Variants in NTRK2 observed in about 807,000 individuals in gnomAD.
NTRK2 encodes neurotrophic receptor tyrosine kinase 2, also known as BDNF/NT-3 growth factors receptor.
In NTRK2, 13 loss-of-function variants were observed where a neutral mutation model predicts 94.5. The observed-to-expected ratio is 0.14, with a 90% confidence interval of 0.09 to 0.22. NTRK2 has a LOEUF of 0.22. Ranked by LOEUF, NTRK2 falls within the 10% of genes least tolerant of loss-of-function variation. The pLI is 1.00. For synonymous variants in NTRK2, 372 were observed against 407.4 expected (o/e 0.91, Z 1.05); for missense variants, 639 against 1,071.2 (o/e 0.60, Z 5.63).
chr9:84,771,256 G>T (rs925737763), intron 12 of NTRK2, among the ~76,000 whole-genome samples: 1 of 152,096 alleles, frequency 6.6e-6, no homozygotes, highest in Admixed American at 6.5e-5. Flanking sequence ...TTCTTTCGTG[G>T]CTCTCCCTTT....
intron 15 of NTRK2, 36 bp from the exon 16 acceptor site, chr9:84,948,426 C>G (rs2132879425): frequency 6.2e-7 from 1 of 1,608,516 alleles, no homozygotes; most frequent in Non-Finnish European, 8.5e-7. Context: ...ATAGGGCCCA[C>G]TGAAGTAATC....
intron 12 of NTRK2, among the ~76,000 whole-genome samples, chr9:84,785,181 T>A (rs1357156251): frequency 1.3e-5 from 2 of 152,186 alleles, no homozygotes. Context: ...GCAAATCATA[T>A]CACAGAAGTC....
intron 12 of NTRK2, chr9:84,811,050 A>G: frequency 9.3e-7 from 1 of 1,078,782 alleles, no homozygotes; most frequent in African/African-American, 1.6e-5. Flanking sequence ...TGTAACACAT[A>G]TTTTAGTGTG....
intron 12 of NTRK2, among the ~76,000 whole-genome samples, chr9:84,795,573 A>C (rs1370802326): frequency 6.6e-6 from 1 of 152,110 alleles, no homozygotes; most frequent in African/African-American, 2.4e-5. Context: ...CTTTATGGGA[A>C]GCAGCCCCAG....
intron 14 of NTRK2, among the ~76,000 whole-genome samples, chr9:84,869,620 G>A (rs1348106848): frequency 6.6e-6 from 1 of 151,874 alleles, no homozygotes; most frequent in Non-Finnish European, 1.5e-5. Flanking sequence ...GTGAGTATGA[G>A]CACTCTCATG....
intron 11 of NTRK2, among the ~76,000 whole-genome samples, chr9:84,746,454 C>G (rs553813625): frequency 1.4e-4 from 22 of 152,338 alleles, no homozygotes; most frequent in African/African-American, 5.1e-4. Flanking sequence ...ATCTCCCTCT[C>G]CCAGCCTTGT....
chr9:84,783,705 C>A (rs2067840564), intron 12 of NTRK2, among the ~76,000 whole-genome samples: 1 of 151,854 alleles, frequency 6.6e-6, no homozygotes, highest in Admixed American at 6.6e-5. Flanking sequence ...AATTTTATGT[C>A]CCAAGATGTG....
intron 17 of NTRK2, among the ~76,000 whole-genome samples, chr9:84,975,467 G>A (rs4877894): frequency 0.5 from 76,587 of 151,976 alleles, 19,776 homozygotes; most frequent in Middle Eastern, 0.6. Flanking sequence ...TTTGCTCTAG[G>A]CAGACTAAAG....
chr9:84,686,471 T>C (rs1376740915), intron 2 of NTRK2, among the ~76,000 whole-genome samples: 4 of 152,228 alleles, frequency 2.6e-5, no homozygotes, highest in Non-Finnish European at 4.4e-5. Context: ...TAGCTAATAA[T>C]GGATATCCTT....
At chr9:84,901,951 C>T (rs1306753193) in intron 14 of NTRK2, among the ~76,000 whole-genome samples, 2 of 152,142 alleles carry the variant, frequency 1.3e-5, no homozygotes, top group African/African-American at 2.4e-5. Flanking sequence ...AATCCCAGCA[C>T]TTTGGGAGAC....
intron 14 of NTRK2, chr9:84,872,634 A>G (rs200008186): frequency 1.9e-6 from 2 of 1,064,128 alleles, no homozygotes. Flanking sequence ...TCCATTTCCA[A>G]TGAAATGGAT....
intron 12 of NTRK2, among the ~76,000 whole-genome samples, chr9:84,789,771 T>C (rs2068533120): frequency 6.6e-6 from 1 of 152,164 alleles, no homozygotes; most frequent in Admixed American, 6.5e-5. Context: ...CAGTCAAATC[T>C]ACCTTAACCC....
chr9:84,671,112 G>A (rs2058673657), intron 2 of NTRK2, 152 bp downstream of exon 2: 1 of 770,600 alleles, frequency 1.3e-6, no homozygotes, highest in African/African-American at 1.7e-5. Flanking sequence ...GTTACCTGCT[G>A]TTTCACTGGC....
At chr9:84,924,875 T>A (rs149570367) in intron 14 of NTRK2, among the ~76,000 whole-genome samples, 1 of 152,308 alleles carries the variant, frequency 6.6e-6, no homozygotes, top group East Asian at 1.9e-4. Flanking sequence ...GTATGAGGCA[T>A]CTATAGGTCC....
chr9:84,700,351 T>C (rs1313324760), intron 2 of NTRK2, among the ~76,000 whole-genome samples: 1 of 152,190 alleles, frequency 6.6e-6, no homozygotes, highest in East Asian at 1.9e-4. Context: ...ATGTTAAAAA[T>C]TGAGCATTCC....
chr9:84,775,829 G>A (rs1007952254), intron 12 of NTRK2, among the ~76,000 whole-genome samples: 9 of 152,124 alleles, frequency 5.9e-5, no homozygotes, highest in African/African-American at 2.2e-4. Flanking sequence ...TACAGATCTG[G>A]GGCCTCATCC....
rs2118070387 is a variant in NTRK2, at chr9:85,023,267, T to A, written c.*1830T>A. On this transcript the variant is annotated 3_prime_UTR_variant, in exon 19 of 19. Transcript: ENST00000277120. Reference sequence around the variant, plus strand: ...GAGGGGAATTTTGCTAAACTTGACATCTTTATAACATGAGCCAGATTGAAA... The same window carrying A: ...GAGGGGAATTTTGCTAAACTTGACAACTTTATAACATGAGCCAGATTGAAA... 2 of 233,058 alleles carry A rather than the reference T, an allele frequency of 8.6e-6. No individual in the cohort carries two copies. The highest frequency in any genetic ancestry group is 8.5e-6 in the Non-Finnish European group (1 of 117,882). 14.4% of individuals were successfully genotyped at this position (233,058 alleles called of 1,614,324 possible). A position where few individuals can be genotyped will look rare whatever the true frequency, so the allele number is the denominator to read the frequency against.
At chr9:84,757,886 A>G (rs2065218154) in intron 12 of NTRK2, among the ~76,000 whole-genome samples, 1 of 152,150 alleles carries the variant, frequency 6.6e-6, no homozygotes, top group South Asian at 2.1e-4. Context: ...GAGGAAAGAT[A>G]TATATGTTTA....
chr9:84,740,538 A>T (rs2063567931), intron 9 of NTRK2, among the ~76,000 whole-genome samples: 1 of 152,228 alleles, frequency 6.6e-6, no homozygotes, highest in Non-Finnish European at 1.5e-5. Flanking sequence ...GCACAGGTGC[A>T]CAGGGTGTGC....
Sources: allele counts gnomAD v4.1 joint callset (sites outside exome capture counted in the v4.1 genomes callset), GRCh38; gene constraint gnomAD v4.1.1; transcripts MANE v1.5; gene names NCBI Gene and HGNC (gene_info 2026-07-23, HGNC 2026-07-21).